GREB1: variants seen among roughly 807,000 people sequenced by gnomAD.
GREB1 encodes protein GREB1.
GREB1 carries 106 observed loss-of-function variants against 200.7 expected under a neutral mutation model. The ratio of observed to expected loss-of-function variants is 0.53; its 90% CI spans 0.45 to 0.62. The LOEUF (loss-of-function observed/expected upper bound fraction) is 0.62, where lower values mean the gene tolerates loss of function less well. GREB1 is among the 20% of genes least tolerant of loss of function. The probability of loss-of-function intolerance (pLI) is 0.00; values close to 1 mark genes in which losing one functional copy is unlikely to be tolerated. For missense variants in GREB1, 2,243 were observed against 2,556.8 expected (o/e 0.88, Z 2.65); for synonymous variants, 1,132 against 1,092.4 (o/e 1.04, Z -0.72).
chr2:11,488,530 C>G (rs1009512454), intron 1 of GREB1, among the ~76,000 whole-genome samples: 1 of 152,056 alleles, frequency 6.6e-6, no homozygotes, highest in Non-Finnish European at 1.5e-5. Context: ...GTGGCTCATG[C>G]CTGTAATCCC....
intron 4 of GREB1, among the ~76,000 whole-genome samples, chr2:11,568,379 C>T (rs188905664): frequency 5.3e-5 from 8 of 152,320 alleles, no homozygotes; most frequent in Admixed American, 5.2e-4. Context: ...CAGGTGAATG[C>T]TCACTCGAGG....
intron 2 of GREB1, 140 bp from the exon 3 acceptor site, chr2:11,562,323 A>T: frequency 9.7e-7 from 1 of 1,026,144 alleles, no homozygotes; most frequent in Non-Finnish European, 1.4e-6. Flanking sequence ...CTTGTTAAGG[A>T]TGGGTGGAAC....
intron 1 of GREB1, among the ~76,000 whole-genome samples, chr2:11,509,816 T>G (rs1673300816): frequency 6.6e-6 from 1 of 152,200 alleles, no homozygotes; most frequent in African/African-American, 2.4e-5. Context: ...AGTCTGCTGG[T>G]GCCATACCCT....
At chr2:11,483,690 GTGTGTGTGTGTGTGTGTGT>G (rs1672575821) in intron 1 of GREB1, among the ~76,000 whole-genome samples, 1 of 2,122 alleles carries the variant, frequency 4.7e-4, no homozygotes, top group African/African-American at 8.5e-4. Flanking sequence ...AAGAAGGGGT[GTGTGTGTGTGTGTGTGTGT>G]GTGTGTGTGT....
At chr2:11,601,389 C>G (rs1681767349) in intron 16 of GREB1, among the ~76,000 whole-genome samples, 1 of 152,216 alleles carries the variant, frequency 6.6e-6, no homozygotes, top group East Asian at 1.9e-4. Context: ...TTCCTGTTTT[C>G]CCTATCCCTG....
chr2:11,597,699 G>T lies in GREB1; in HGVS notation c.1955-82G>T. On this transcript the variant is annotated intron_variant, in intron 13 of 32. Transcript: ENST00000381486. The surrounding 1 kb of genome is among the most constrained non-coding windows in gnomAD (Gnocchi z 4.1). Reference sequence around the variant, plus strand: ...GAATGGGGCCGTCTCCCCTGGACAGGTCTCACTGATTCTCTGGCCAAGGGC... The same window carrying T: ...GAATGGGGCCGTCTCCCCTGGACAGTTCTCACTGATTCTCTGGCCAAGGGC... 1.6e-6 allele frequency: 2 copies of T among 1,229,910 alleles called. No homozygotes were observed. The highest frequency in any genetic ancestry group is 1.2e-5 in the South Asian group (1 of 83,142). 76.2% of individuals were successfully genotyped at this position (1,229,910 alleles called of 1,614,324 possible).
chr2:11,626,016 A>G (rs1198710128), intron 24 of GREB1, among the ~76,000 whole-genome samples: 4 of 152,150 alleles, frequency 2.6e-5, no homozygotes, highest in Non-Finnish European at 4.4e-5. Flanking sequence ...AAAATTATTC[A>G]GTACCATGAG....
chr2:11,578,104 G>T (rs1679067026), intron 5 of GREB1, among the ~76,000 whole-genome samples, 193 bp from the exon 6 acceptor site: 1 of 152,104 alleles, frequency 6.6e-6, no homozygotes, highest in Non-Finnish European at 1.5e-5. Context: ...CTGCCCCTTG[G>T]CACGTAGCCA....
At position 11,592,903 on chromosome 2, in the gene GREB1, C is replaced by T. The variant is rs772756826; in HGVS notation, c.1473C>T (p.Ser491=). Residue 491 remains serine (S), a synonymous_variant, in exon 11 of 33, where the codon AGC becomes AGT. Coordinates refer to ENST00000381486, the MANE Select transcript of GREB1 (RefSeq NM_014668.4). ...CGCAGCCCTTCCCGCCCGCGCCCAG[C>T]GCCGCGGCACCCGTGACCTCCGCGC... The part of the protein sequence containing the change: ...APPQPFPPAP[S]AAAPVTSAQL... 9.6e-5 allele frequency: 152 copies of T among 1,591,058 alleles called. 1 individual carries two copies. Among genetic ancestry groups the T allele is most frequent in the Non-Finnish European group, 1.3e-4 (148 of 1,169,172 alleles).
At chr2:11,585,437 C>G (rs1679980406) in intron 8 of GREB1, among the ~76,000 whole-genome samples, 163 bp downstream of exon 8, 1 of 152,232 alleles carries the variant, frequency 6.6e-6, no homozygotes, top group South Asian at 2.1e-4. Flanking sequence ...GACAAAAGAC[C>G]TCTTTCTCAC....
At chr2:11,508,353 G>C (rs1356859625) in intron 1 of GREB1, among the ~76,000 whole-genome samples, 1 of 152,206 alleles carries the variant, frequency 6.6e-6, no homozygotes, top group South Asian at 2.1e-4. Context: ...CCTCTGCATC[G>C]GGACACATGA....
At chr2:11,517,755 C>T (rs992797274) in intron 1 of GREB1, among the ~76,000 whole-genome samples, 6 of 152,124 alleles carry the variant, frequency 3.9e-5, no homozygotes, top group Non-Finnish European at 8.8e-5. Context: ...GGGTTCATGC[C>T]ATTCTCCTGC....
chr2:11,535,157 C>G (rs1486981014), intron 1 of GREB1, among the ~76,000 whole-genome samples: 1 of 152,148 alleles, frequency 6.6e-6, no homozygotes, highest in Non-Finnish European at 1.5e-5. Flanking sequence ...CAGAAGACCC[C>G]TGGTCCCAGC....
At chr2:11,587,072 C>T (rs1049383687) in intron 9 of GREB1, among the ~76,000 whole-genome samples, 2 of 152,310 alleles carry the variant, frequency 1.3e-5, no homozygotes, top group African/African-American at 2.4e-5. Context: ...AGCAAGTCTA[C>T]GTCTCACACG....
chr2:11,615,446 C>T (rs1683324310), intron 20 of GREB1, among the ~76,000 whole-genome samples, 156 bp downstream of exon 20: 1 of 152,152 alleles, frequency 6.6e-6, no homozygotes, highest in Non-Finnish European at 1.5e-5. Flanking sequence ...TGAGAGGTCT[C>T]CAGTGTTGGA....
chr2:11,593,037 T>C lies in GREB1; in HGVS notation c.1607T>C (p.Leu536Ser). ...GGCCTCTCCGAGATGTTCCGGCTGT[T>C]GGTCGAGGGCAAGCTTGCCAAGACC... is the stretch of plus-strand genomic sequence containing the variant. The part of the protein sequence containing the change: ...AEGLSEMFRL[L>S]VEGKLAKTNY... The change falls in exon 11 of 33, where the codon TTG (leucine) becomes TCG (serine). Residue 536 changes from leucine (L) to serine (S), a missense_variant. Physicochemically the swap from Leu to Ser is moderately radical, Grantham distance 145. Transcript: ENST00000381486. The C allele has an allele frequency of 6.2e-7, 1 of 1,613,234 alleles. No homozygotes were observed. The highest frequency in any genetic ancestry group is 1.3e-5 in the African/African-American group (1 of 75,050).
At position 11,598,821 on chromosome 2, in the gene GREB1, T is replaced by C; in HGVS notation, c.2294T>C (p.Phe765Ser). Residue 765 changes from phenylalanine (F) to serine (S), a missense_variant, in exon 15 of 33, where the codon TTT (phenylalanine) becomes TCT (serine). Coordinates refer to ENST00000381486, the MANE Select transcript of GREB1 (RefSeq NM_014668.4). ...TCCTTCCAGAACCCGCATACACTTT[T>C]TGTCCTAATCCATGACCATGCGCAC... is the stretch of plus-strand genomic sequence containing the variant. ...QNSFQNPHTLFVLIHDHAHWD... is the reference protein window; with the variant it reads ...QNSFQNPHTLSVLIHDHAHWD... 6.2e-7 allele frequency: 1 copy of C among 1,614,254 alleles called. No homozygotes were observed. The highest frequency in any genetic ancestry group is 8.5e-7 in the Non-Finnish European group (1 of 1,180,038).
chr2:11,598,549 T>A (rs1194331672), intron 14 of GREB1, 131 bp from the exon 15 acceptor site: 5 of 823,002 alleles, frequency 6.1e-6, no homozygotes, highest in Non-Finnish European at 9.9e-6. Context: ...TTTCCCTTCC[T>A]TTCCCTGCTC....
At chr2:11,575,812 A>G (rs1271190565) in intron 4 of GREB1, among the ~76,000 whole-genome samples, 1 of 152,226 alleles carries the variant, frequency 6.6e-6, no homozygotes, top group Admixed American at 6.5e-5. Flanking sequence ...AGCCTGTCGC[A>G]TCATTTCAGG....
Sources: allele counts gnomAD v4.1 joint callset (sites outside exome capture counted in the v4.1 genomes callset), GRCh38; gene constraint gnomAD v4.1.1; non-coding constraint Gnocchi (gnomAD v3.1); transcripts MANE v1.5; gene names NCBI Gene and HGNC (gene_info 2026-07-23, HGNC 2026-07-21).